FMNL3: variants seen among roughly 807,000 people sequenced by gnomAD.
FMNL3 encodes the protein formin like 3, also known as formin-like protein 3.
FMNL3 carries 57 observed loss-of-function variants against 119.6 expected under a neutral mutation model. The ratio of observed to expected loss-of-function variants is 0.48; its 90% confidence interval spans 0.39 to 0.59. The LOEUF (loss-of-function observed/expected upper bound fraction) is 0.59. Among genes scored for constraint, FMNL3 ranks in the 20% least tolerant of loss-of-function variants. FMNL3 has a pLI of 0.00. For missense variants in FMNL3, 1,053 were observed against 1,323.5 expected (o/e 0.80, Z 3.17); for synonymous variants, 491 against 507.3 (o/e 0.97, Z 0.43).
Position 49,643,369 on chromosome 12 carries a change from C to A in FMNL3, c.*2446G>T. On this transcript the variant is annotated 3_prime_UTR_variant, in exon 26 of 26. Transcript: ENST00000335154. Reference sequence around the variant, plus strand: ...GGGGTGCTGCCCTTGGAGGACGGGGCTCCCCTTCCTCCCATCTTCTTGGAG... The same window carrying A: ...GGGGTGCTGCCCTTGGAGGACGGGGATCCCCTTCCTCCCATCTTCTTGGAG... 6.4e-7 allele frequency: 1 copy of A among 1,572,170 alleles called. No individual in the cohort carries two copies. Among genetic ancestry groups the A allele is most frequent in the Non-Finnish European group, 8.6e-7 (1 of 1,160,932 alleles).
At chr12:49,681,047 C>G (rs949708707) in intron 1 of FMNL3, among the ~76,000 whole-genome samples, 1 of 152,238 alleles carries the variant, frequency 6.6e-6, no homozygotes, top group Non-Finnish European at 1.5e-5. Context: ...TTCTGCACAA[C>G]TGAGTGAAAC....
intron 1 of FMNL3, among the ~76,000 whole-genome samples, chr12:49,705,910 G>C (rs1176180906): frequency 6.6e-6 from 1 of 152,208 alleles, no homozygotes; most frequent in East Asian, 1.9e-4. Context: ...GTTGCCAACA[G>C]ATCTAATCTC....
chr12:49,700,261 G>A (rs1000310461), intron 1 of FMNL3, among the ~76,000 whole-genome samples: 3 of 150,114 alleles, frequency 2.0e-5, no homozygotes, highest in African/African-American at 7.4e-5. Flanking sequence ...GCGTGGTGGC[G>A]GGCGCCTGTA....
chr12:49,670,174 G>A (rs1024357321), intron 1 of FMNL3, among the ~76,000 whole-genome samples: 2 of 152,190 alleles, frequency 1.3e-5, no homozygotes, highest in Admixed American at 1.3e-4. Context: ...CTGGGGACAT[G>A]AACTGTGTGC....
chr12:49,703,610 C>G (rs1158019999), intron 1 of FMNL3, among the ~76,000 whole-genome samples: 1 of 152,100 alleles, frequency 6.6e-6, no homozygotes, highest in African/African-American at 2.4e-5. Flanking sequence ...TTAGCTGCCC[C>G]TAGGAATAAG....
Position 49,653,675 on chromosome 12 carries a change from C to T in FMNL3, c.1221+50G>A, listed in dbSNP as rs766220461. Reference sequence around the variant, plus strand: ...TGGGTCAGCTCAGGATTCCTGGTTACTTGAGCTTCCATCAACAGTGGCTCT... The same window carrying T: ...TGGGTCAGCTCAGGATTCCTGGTTATTTGAGCTTCCATCAACAGTGGCTCT... On this transcript the variant is annotated intron_variant, in intron 12 of 25. Transcript: ENST00000335154. 1.9e-6 allele frequency: 3 copies of T among 1,608,236 alleles called. No homozygotes were observed. The African/African-American group carries it at 4.0e-5, about 21-fold the overall frequency.
At position 49,657,077 on chromosome 12, in the gene FMNL3, C is replaced by T; in HGVS notation, c.714+5G>A. On this transcript the variant is annotated splice_donor_5th_base_variant and intron_variant, in intron 7 of 25. Transcript: ENST00000335154. ...GAGCACCTATGGCTAGTGCTTCCCC[C>T]TTACCTGATAGTTCATGATGGCTCT... The T allele has an allele frequency of 6.2e-7, 1 of 1,613,670 alleles. No homozygotes were observed. Among genetic ancestry groups the T allele is most frequent in the Admixed American group, 1.7e-5 (1 of 60,020 alleles).
intron 1 of FMNL3, among the ~76,000 whole-genome samples, chr12:49,705,337 G>A (rs1243826803): frequency 2.6e-5 from 4 of 152,132 alleles, no homozygotes; most frequent in East Asian, 1.9e-4. Context: ...AGGACATCAC[G>A]TGCATTTTGT....
chr12:49,687,104 T>TTC (rs1214809458), intron 1 of FMNL3, among the ~76,000 whole-genome samples: 1 of 151,714 alleles, frequency 6.6e-6, no homozygotes, highest in African/African-American at 2.4e-5. Context: ...TCCTTTTTTT[T>TTC]TTTTTTTTGA....
At position 49,642,347 on chromosome 12, in the gene FMNL3, T is replaced by G; in HGVS notation, c.*3468A>C. On this transcript the variant is annotated 3_prime_UTR_variant, in exon 26 of 26. Transcript: ENST00000335154. The surrounding 1 kb of genome is among the most constrained non-coding windows in gnomAD (Gnocchi z 5.8). ...ATGCTGAGGCAGGCTGTGCCTGCTC[T>G]GGAGCTAGGCACTGCCTGGGAAGAG... The G allele has an allele frequency of 1.9e-6, 3 of 1,613,942 alleles. No individual in the cohort carries two copies. The highest frequency in any genetic ancestry group is 2.5e-6 in the Non-Finnish European group (3 of 1,180,014).
rs181693752 is a variant in FMNL3, at chr12:49,674,987, C to A, written c.127-6433G>T. Among the ~76,000 whole-genome samples, 1,277 of 152,274 alleles carry A rather than the reference C, an allele frequency of 8.4e-3. 14 individuals carry two copies. Among genetic ancestry groups the A allele is most frequent in the African/African-American group, 0.028 (1,174 of 41,536 alleles). ...ATGGCTTTTTCTAAATACAATTATA[C>A]CCCCGGGGCCTCTTCTTCATCCTAG... On this transcript the variant is annotated intron_variant, in intron 1 of 25. Coordinates refer to ENST00000335154, the MANE Select transcript of FMNL3 (RefSeq NM_175736.5).
At chr12:49,662,597 T>C (rs1051148577) in intron 4 of FMNL3, among the ~76,000 whole-genome samples, 2 of 152,114 alleles carry the variant, frequency 1.3e-5, no homozygotes, top group Non-Finnish European at 2.9e-5. Context: ...TGAGCAGAGA[T>C]GTATAGAAGT....
chr12:49,690,824 G>A (rs1944581797), intron 1 of FMNL3, among the ~76,000 whole-genome samples: 1 of 152,240 alleles, frequency 6.6e-6, no homozygotes, highest in Non-Finnish European at 1.5e-5. Context: ...AGCACTTTGG[G>A]AGGCCAAGGC....
intron 1 of FMNL3, among the ~76,000 whole-genome samples, chr12:49,685,184 A>C (rs897134618): frequency 6.6e-6 from 1 of 151,952 alleles, no homozygotes; most frequent in Non-Finnish European, 1.5e-5. Flanking sequence ...AAACGCCCCC[A>C]GTTTTAAAAT....
At chr12:49,696,685 C>T (rs1174219840) in intron 1 of FMNL3, among the ~76,000 whole-genome samples, 1 of 152,180 alleles carries the variant, frequency 6.6e-6, no homozygotes, top group Non-Finnish European at 1.5e-5. Context: ...AGGGCTAGGG[C>T]CCTAGTTCAA....
chr12:49,663,564 G>A (rs1943800350), intron 4 of FMNL3, among the ~76,000 whole-genome samples: 1 of 152,366 alleles, frequency 6.6e-6, no homozygotes, highest in African/African-American at 2.4e-5. Context: ...ACCCAGAGAA[G>A]CCGCAGTTCA....
chr12:49,658,962 G>A (rs1040948262), intron 5 of FMNL3, among the ~76,000 whole-genome samples: 2 of 152,174 alleles, frequency 1.3e-5, no homozygotes, highest in East Asian at 1.9e-4. Flanking sequence ...GGACATCTCC[G>A]GGAAGCTGTG....
chr12:49,644,232 A>G lies in FMNL3; in HGVS notation c.*1583T>C. 1.2e-6 allele frequency: 2 copies of G among 1,604,760 alleles called. No individual in the cohort carries two copies. Among genetic ancestry groups the G allele is most frequent in the Non-Finnish European group, 1.7e-6 (2 of 1,171,954 alleles). On this transcript the variant is annotated 3_prime_UTR_variant, in exon 26 of 26. Coordinates refer to ENST00000335154, the MANE Select transcript of FMNL3 (RefSeq NM_175736.5). ...CTCTGCCTCGGGTCTGTGTGAGGCC[A>G]TGGCTCCTGGGCCACCCTCACCGTC...
chr12:49,674,177 G>A (rs1422031071), intron 1 of FMNL3, among the ~76,000 whole-genome samples: 3 of 152,220 alleles, frequency 2.0e-5, no homozygotes. Flanking sequence ...CCTCTCCAGA[G>A]CTCGGGTTTG....
Sources: gnomAD v4.1 joint callset for allele counts (sites outside exome capture counted in the v4.1 genomes callset) on GRCh38, gnomAD v4.1.1 for gene constraint, Gnocchi (gnomAD v3.1) non-coding constraint, MANE v1.5 for transcripts, NCBI Gene and HGNC (gene_info 2026-07-23, HGNC 2026-07-21) for gene names.